The following KAT6B variants were observed in gnomAD, a reference collection of about 807,000 sequenced individuals.
KAT6B encodes lysine acetyltransferase 6B.
A neutral mutation model predicts 187.5 loss-of-function variants in KAT6B; 10 were observed. The ratio of observed to expected loss-of-function variants is 0.05; its 90% CI spans 0.03 to 0.09. The LOEUF is 0.09. KAT6B is among the 10% of genes least tolerant of loss of function. KAT6B has a pLI of 1.00. For synonymous variants in KAT6B, 861 were observed against 926.8 expected (o/e 0.93, Z 1.29); for missense variants, 1,952 against 2,558.9 (o/e 0.76, Z 5.12).
At chr10:75,001,109 A>C (rs890578343) in intron 13 of KAT6B, among the ~76,000 whole-genome samples, 1 of 152,110 alleles carries the variant, frequency 6.6e-6, no homozygotes, top group African/African-American at 2.4e-5. Context: ...CAGGAACTAC[A>C]ATAAACTTTT....
At chr10:74,888,469 A>T (rs1202761877) in intron 3 of KAT6B, among the ~76,000 whole-genome samples, 2 of 152,258 alleles carry the variant, frequency 1.3e-5, no homozygotes, top group African/African-American at 4.8e-5. Flanking sequence ...ACAAATGGCC[A>T]ATAAATACAA....
intron 1 of KAT6B, among the ~76,000 whole-genome samples, chr10:74,831,586 A>G (rs1840865374): frequency 6.6e-6 from 1 of 152,218 alleles, no homozygotes; most frequent in Admixed American, 6.5e-5. Context: ...ACTAAGAGCC[A>G]GGTGCTGACT....
At chr10:74,898,779 C>T (rs552234808) in intron 3 of KAT6B, among the ~76,000 whole-genome samples, 2 of 151,916 alleles carry the variant, frequency 1.3e-5, no homozygotes, top group South Asian at 2.1e-4. Flanking sequence ...TTACAGTCAC[C>T]TTCAGTTTCA....
At chr10:74,968,925 G>A (rs1841667693) in intron 4 of KAT6B, among the ~76,000 whole-genome samples, 1 of 152,128 alleles carries the variant, frequency 6.6e-6, no homozygotes, top group African/African-American at 2.4e-5. Context: ...GACCTGGTGT[G>A]TGGAGCGCTG....
chr10:74,938,199 C>G (rs1228569664), intron 3 of KAT6B, among the ~76,000 whole-genome samples: 3 of 152,176 alleles, frequency 2.0e-5, no homozygotes, highest in African/African-American at 7.2e-5. Context: ...CAACATCAAT[C>G]TAACCTGGGA....
intron 3 of KAT6B, among the ~76,000 whole-genome samples, chr10:74,959,035 T>TAAATAA (rs1840891868): frequency 6.9e-6 from 1 of 144,440 alleles, no homozygotes; most frequent in African/African-American, 2.7e-5. Flanking sequence ...AGACTCTGTC[T>TAAATAA]ATAAATAAAT....
intron 3 of KAT6B, among the ~76,000 whole-genome samples, chr10:74,861,038 G>A (rs1009694278): frequency 6.6e-6 from 1 of 152,184 alleles, no homozygotes; most frequent in African/African-American, 2.4e-5. Flanking sequence ...TCGGGAGGCT[G>A]AGGCGGGAGA....
intron 9 of KAT6B, 63 bp from the exon 10 acceptor site, chr10:74,979,161 G>C (rs1300870942): frequency 8.2e-7 from 1 of 1,222,146 alleles, no homozygotes; most frequent in Non-Finnish European, 1.2e-6. Context: ...AGTCACTGGT[G>C]AAAGAACCAA....
intron 3 of KAT6B, among the ~76,000 whole-genome samples, chr10:74,954,197 C>A (rs1411149332): frequency 6.6e-6 from 1 of 152,102 alleles, no homozygotes; most frequent in Non-Finnish European, 1.5e-5. Flanking sequence ...ATTATAGGGG[C>A]CTCTTATTGC....
chr10:75,007,469 T>TA (rs1481114181), intron 13 of KAT6B, among the ~76,000 whole-genome samples: 2 of 152,100 alleles, frequency 1.3e-5, no homozygotes, highest in East Asian at 3.8e-4. Flanking sequence ...TTTTTTTTTT[T>TA]AATAGGCAAG....
chr10:74,889,194 A>T (rs536075126), intron 3 of KAT6B, among the ~76,000 whole-genome samples: 125 of 152,142 alleles, frequency 8.2e-4, no homozygotes, highest in African/African-American at 2.9e-3. Flanking sequence ...ATGTTGTCAA[A>T]TTTTTTTTAC....
At chr10:74,878,934 C>CAGAA (rs1301152471) in intron 3 of KAT6B, among the ~76,000 whole-genome samples, 1 of 152,228 alleles carries the variant, frequency 6.6e-6, no homozygotes, top group Non-Finnish European at 1.5e-5. Context: ...CACCATCTCT[C>CAGAA]TATTCCCACA....
chr10:74,913,564 C>T (rs1281840082), intron 3 of KAT6B, among the ~76,000 whole-genome samples: 1 of 152,198 alleles, frequency 6.6e-6, no homozygotes, highest in Non-Finnish European at 1.5e-5. Flanking sequence ...ACTGTATTCT[C>T]ATAATGTTAA....
At chr10:74,951,559 T>C (rs553699918) in intron 3 of KAT6B, among the ~76,000 whole-genome samples, 301 of 152,314 alleles carry the variant, frequency 2.0e-3, no homozygotes, top group Non-Finnish European at 3.5e-3. Flanking sequence ...ATCTGTCTTA[T>C]ATAGTGACTA....
intron 3 of KAT6B, among the ~76,000 whole-genome samples, chr10:74,862,948 G>A (rs1050860017): frequency 6.6e-6 from 1 of 152,212 alleles, no homozygotes; most frequent in South Asian, 2.1e-4. Context: ...ACCTTCTAAC[G>A]AAGACCTCCT....
At chr10:74,876,999 C>G (rs1003907556) in intron 3 of KAT6B, among the ~76,000 whole-genome samples, 1 of 151,962 alleles carries the variant, frequency 6.6e-6, no homozygotes, top group Admixed American at 6.6e-5. Context: ...AAAAGTCTCG[C>G]TCTGTTGCTC....
chr10:74,862,536 G>A (rs1035686071), intron 3 of KAT6B, among the ~76,000 whole-genome samples: 1 of 152,142 alleles, frequency 6.6e-6, no homozygotes, highest in Non-Finnish European at 1.5e-5. Flanking sequence ...TCCTTGTGAT[G>A]CCAGCATGCA....
intron 4 of KAT6B, among the ~76,000 whole-genome samples, chr10:74,960,472 T>A (rs527305614): frequency 4.7e-4 from 72 of 152,108 alleles, no homozygotes; most frequent in African/African-American, 1.5e-3. Context: ...AATCTTCAAA[T>A]TTTTTCCCCA....
intron 11 of KAT6B, chr10:74,983,020 G>A (rs1188038588): frequency 6.6e-6 from 1 of 152,156 alleles, no homozygotes; most frequent in Non-Finnish European, 1.5e-5. Context: ...TTTTCCCCAA[G>A]ACTGATCAGA....
Sources: allele counts gnomAD v4.1 joint callset (sites outside exome capture counted in the v4.1 genomes callset), GRCh38; gene constraint gnomAD v4.1.1; transcripts MANE v1.5; gene names NCBI Gene and HGNC (gene_info 2026-07-23, HGNC 2026-07-21).